The following CEP128 variants were observed in gnomAD, a reference collection of about 807,000 sequenced individuals.
CEP128 encodes centrosomal protein 128.
CEP128 carries 132 observed loss-of-function variants against 156.7 expected under a neutral mutation model. That is an observed-to-expected ratio of 0.84 (90% CI 0.73 to 0.97). The LOEUF (loss-of-function observed/expected upper bound fraction) is 0.97. Ranked by LOEUF, CEP128 falls within the 50% of genes least tolerant of loss-of-function variation. The probability of loss-of-function intolerance (pLI) is 0.00; values close to 1 mark genes in which losing one functional copy is unlikely to be tolerated. For missense variants in CEP128, 1,252 were observed against 1,281.9 expected, an observed-to-expected ratio of 0.98 and a Z score of 0.36; for synonymous variants, 469 against 448.9, an observed-to-expected ratio of 1.04 and a Z score of -0.57.
intron 13 of CEP128, among the ~76,000 whole-genome samples, chr14:80,802,246 A>G (rs1175276292): frequency 1.3e-5 from 2 of 152,206 alleles, no homozygotes; most frequent in Non-Finnish European, 2.9e-5. Context: ...ACGTATGTTT[A>G]TTGCGGCACT....
chr14:80,894,707 T>C (rs1889266325), intron 8 of CEP128: 1 of 368,566 alleles, frequency 2.7e-6, no homozygotes, highest in Non-Finnish European at 5.3e-6. Flanking sequence ...AAGAAAAGTA[T>C]TTTTATGTAG....
At chr14:80,563,529 T>A (rs1167675296) in intron 20 of CEP128, among the ~76,000 whole-genome samples, 1 of 85,566 alleles carries the variant, frequency 1.2e-5, no homozygotes. Context: ...CAAATCTTTT[T>A]TTTTTTTTTT....
At chr14:80,730,287 T>C (rs933154553) in intron 19 of CEP128, among the ~76,000 whole-genome samples, 1 of 152,206 alleles carries the variant, frequency 6.6e-6, no homozygotes, top group African/African-American at 2.4e-5. Context: ...ATTAACCTCA[T>C]AGTTTCAAAG....
At chr14:80,846,458 C>CAA (rs34105376) in intron 9 of CEP128, among the ~76,000 whole-genome samples, 90,262 of 151,666 alleles carry the variant, frequency 0.6, 27,181 homozygotes, top group East Asian at 0.78. Flanking sequence ...AAAAGAAGAA[C>CAA]AAAAGTCATA....
chr14:80,890,374 C>T (rs1416648569), intron 8 of CEP128, among the ~76,000 whole-genome samples: 1 of 152,114 alleles, frequency 6.6e-6, no homozygotes, highest in Non-Finnish European at 1.5e-5. Flanking sequence ...TGGGAACCAA[C>T]CCAAATGCCC....
intron 19 of CEP128, among the ~76,000 whole-genome samples, chr14:80,661,298 T>A (rs1336306246): frequency 6.6e-6 from 1 of 152,138 alleles, no homozygotes; most frequent in Non-Finnish European, 1.5e-5. Context: ...ACTAAAAAAA[T>A]CTACTGGTTT....
chr14:80,682,223 C>T (rs1297554192), intron 19 of CEP128, among the ~76,000 whole-genome samples: 5 of 152,084 alleles, frequency 3.3e-5, no homozygotes, highest in Non-Finnish European at 5.9e-5. Context: ...CTAAAGCAAT[C>T]CAGTAAGTGA....
intron 23 of CEP128, among the ~76,000 whole-genome samples, chr14:80,522,865 C>T (rs1023270899): frequency 1.1e-4 from 17 of 152,212 alleles, no homozygotes; most frequent in African/African-American, 4.1e-4. Flanking sequence ...TTAGGTTCAG[C>T]TTTGAAATGA....
intron 13 of CEP128, among the ~76,000 whole-genome samples, chr14:80,808,755 C>T (rs1431568101): frequency 2.0e-5 from 3 of 152,026 alleles, no homozygotes; most frequent in East Asian, 1.9e-4. Context: ...ATACCACTGA[C>T]GCTGTTTACA....
At chr14:80,704,467 A>G (rs1008294525) in intron 19 of CEP128, among the ~76,000 whole-genome samples, 1 of 148,076 alleles carries the variant, frequency 6.8e-6, no homozygotes, top group African/African-American at 2.4e-5. Context: ...CTATATATAA[A>G]CATATGTGTG....
At chr14:80,660,468 T>C (rs560922379) in intron 19 of CEP128, among the ~76,000 whole-genome samples, 1 of 152,334 alleles carries the variant, frequency 6.6e-6, no homozygotes, top group South Asian at 2.1e-4. Context: ...AGATCTCTTA[T>C]CAGATCTTAC....
chr14:80,779,939 A>T (rs1294744466), intron 15 of CEP128, among the ~76,000 whole-genome samples: 1 of 152,234 alleles, frequency 6.6e-6, no homozygotes, highest in Non-Finnish European at 1.5e-5. Context: ...AATGGTCAGC[A>T]AATGGCAAAA....
At chr14:80,668,634 A>G (rs1419130887) in intron 19 of CEP128, among the ~76,000 whole-genome samples, 2 of 152,208 alleles carry the variant, frequency 1.3e-5, no homozygotes, top group African/African-American at 4.8e-5. Flanking sequence ...TTGACACAAT[A>G]CAGGATGAAA....
At chr14:80,666,162 T>G (rs1056441538) in intron 19 of CEP128, among the ~76,000 whole-genome samples, 3 of 152,150 alleles carry the variant, frequency 2.0e-5, no homozygotes, top group Non-Finnish European at 4.4e-5. Flanking sequence ...GGCCCCAGGA[T>G]AAACCTCTAA....
chr14:80,774,995 C>A (rs1467031486), intron 16 of CEP128, among the ~76,000 whole-genome samples: 1 of 152,072 alleles, frequency 6.6e-6, no homozygotes, highest in Non-Finnish European at 1.5e-5. Context: ...TTAGGCTGAC[C>A]GTAGGCAGTC....
intron 15 of CEP128, among the ~76,000 whole-genome samples, chr14:80,783,094 T>C (rs1052200135): frequency 4.6e-5 from 7 of 152,192 alleles, no homozygotes; most frequent in African/African-American, 1.4e-4. Context: ...CTAATTATTA[T>C]GTACTAATCT....
chr14:80,649,826 G>A (rs1894820755), intron 19 of CEP128, among the ~76,000 whole-genome samples: 1 of 152,130 alleles, frequency 6.6e-6, no homozygotes, highest in South Asian at 2.1e-4. Flanking sequence ...TAGCCTTATA[G>A]TATAGTTTGA....
At chr14:80,941,936 T>A (rs936842714), upstream of CEP128, among the ~76,000 whole-genome samples, 2 of 151,542 alleles carry the variant, frequency 1.3e-5, no homozygotes, top group African/African-American at 2.4e-5. Flanking sequence ...GGCCGCGCCC[T>A]CTTGCCCTGC....
intron 21 of CEP128, among the ~76,000 whole-genome samples, chr14:80,549,471 C>T (rs1346002155): frequency 6.6e-6 from 1 of 152,164 alleles, no homozygotes; most frequent in Non-Finnish European, 1.5e-5. Flanking sequence ...CAGGCAACTT[C>T]AATGAGAGGC....
Sources: gnomAD v4.1 joint callset for allele counts (sites outside exome capture counted in the v4.1 genomes callset) on GRCh38, gnomAD v4.1.1 for gene constraint, MANE v1.5 for transcripts, NCBI Gene and HGNC (gene_info 2026-07-23, HGNC 2026-07-21) for gene names.